The following SASS6 variants were observed in gnomAD, a reference collection of about 807,000 sequenced individuals.
SASS6 encodes the protein SAS-6 centriolar assembly protein.
SASS6 carries 59 observed loss-of-function variants against 94.9 expected under a neutral mutation model. That is an observed-to-expected ratio of 0.62 (90% confidence interval 0.50 to 0.77). SASS6 has a LOEUF of 0.77. Ranked by LOEUF, SASS6 falls within the 30% of genes least tolerant of loss-of-function variation. The pLI, the probability that SASS6 is intolerant of heterozygous loss-of-function variation, is 0.00. For synonymous variants in SASS6, 264 were observed against 270.0 expected, an observed-to-expected ratio of 0.98 and a Z score of 0.22; for missense variants, 698 against 734.1, an observed-to-expected ratio of 0.95 and a Z score of 0.57.
chr1:100,129,400 C>T (rs553705591), intron 1 of SASS6, among the ~76,000 whole-genome samples: 12 of 152,174 alleles, frequency 7.9e-5, no homozygotes, highest in African/African-American at 2.9e-4. Context: ...GGAAGGGTTA[C>T]CAACACTACT....
At chr1:100,110,837 T>C (rs1653267888) in intron 7 of SASS6, among the ~76,000 whole-genome samples, 1 of 151,952 alleles carries the variant, frequency 6.6e-6, no homozygotes, top group African/African-American at 2.4e-5. Context: ...ATGAACCTAC[T>C]TGTGTATTAA....
intron 5 of SASS6, 49 bp downstream of exon 5, chr1:100,121,329 A>T: frequency 9.3e-7 from 1 of 1,073,422 alleles, no homozygotes; most frequent in South Asian, 1.6e-5. Flanking sequence ...TTTATCAAAG[A>T]CCATTGATAC....
chr1:100,106,569 A>G (rs1389681805), intron 12 of SASS6, among the ~76,000 whole-genome samples: 1 of 152,204 alleles, frequency 6.6e-6, no homozygotes, highest in African/African-American at 2.4e-5. Flanking sequence ...ACTACAGCCG[A>G]GCACGATGGC....
intron 2 of SASS6, among the ~76,000 whole-genome samples, chr1:100,125,671 A>C (rs1654561244): frequency 1.1e-4 from 1 of 9,124 alleles, no homozygotes; most frequent in Non-Finnish European, 8.3e-4. Context: ...CTCCATCTCA[A>C]AAAAAAAAAA....
chr1:100,094,435 C>G (rs914380780), intron 14 of SASS6, among the ~76,000 whole-genome samples: 4 of 152,138 alleles, frequency 2.6e-5, no homozygotes, highest in African/African-American at 9.7e-5. Context: ...AGAGAAAAGA[C>G]AGTTTCCTGT....
In SASS6 at chr1:100,085,328, TTAAC is replaced by T. The variant is rs1320773725; in HGVS notation, c.1970_1973del (p.Ser657AsnfsTer13). On this transcript the variant is annotated frameshift_variant and stop_lost, in exon 17 of 17. Coordinates refer to ENST00000287482, the MANE Select transcript of SASS6 (RefSeq NM_194292.3). LOFTEE classifies it high-confidence loss of function. ...TAAAAAGTAAAACATGACACTAGAA[TTAAC>T]TGTTTGGTAACTGCCCAGGGAAATA... 6.3e-7 allele frequency: 1 copy of T among 1,589,988 alleles called. No individual in the cohort carries two copies. Among genetic ancestry groups the T allele is most frequent in the Admixed American group, 1.7e-5 (1 of 59,948 alleles).
intron 7 of SASS6, 123 bp downstream of exon 7, chr1:100,118,895 T>G: frequency 9.5e-6 from 5 of 525,850 alleles, no homozygotes; most frequent in Non-Finnish European, 1.5e-5. Flanking sequence ...AGGATTTTTA[T>G]TTTTATTTTA....
intron 14 of SASS6, among the ~76,000 whole-genome samples, chr1:100,095,314 G>A (rs150765685): frequency 6.6e-6 from 1 of 152,248 alleles, no homozygotes; most frequent in Non-Finnish European, 1.5e-5. Flanking sequence ...TGGATCACTT[G>A]AGCTCAGGAG....
rs1008962051 is a variant in SASS6 at position 100,107,994 on chromosome 1, C to A, written c.872G>T (p.Arg291Leu). ...CAAAGAGAGGACTTCTTGCTTAGTC[C>A]GCTGTAGCTCCTAGAATGGGAAAAG... Reference protein sequence around the residue: ...KLSGVEEELQRTKQEVLSLRR... With the variant: ...KLSGVEEELQLTKQEVLSLRR... The change falls in exon 9 of 17, where the codon CGG (arginine) becomes CTG (leucine). Residue 291 changes from arginine (R) to leucine (L), a missense_variant. Arg to Leu is a moderately radical substitution (Grantham distance 102, BLOSUM62 -2). Transcript: ENST00000287482. 1 of 1,597,482 alleles carries A rather than the reference C, an allele frequency of 6.3e-7. No individual in the cohort carries two copies. Among genetic ancestry groups the A allele is most frequent in the East Asian group, 2.2e-5 (1 of 44,474 alleles).
rs1257796146 is a variant in SASS6, at chr1:100,083,656, A to G, written c.*1672T>C. 1.3e-5 allele frequency: 2 copies of G among 152,106 alleles called. No individual in the cohort carries two copies. Among genetic ancestry groups the G allele is most frequent in the Non-Finnish European group, 2.9e-5 (2 of 67,946 alleles). 9.4% of individuals were successfully genotyped at this position (152,106 alleles called of 1,614,324 possible). A position where few individuals can be genotyped will look rare whatever the true frequency, so the allele number is the denominator to read the frequency against. ...ACACTTTTTGATTATTAACACATGT[A>G]CAATTTTACACTGCAAAACAATTGC... On this transcript the variant is annotated 3_prime_UTR_variant, in exon 17 of 17. Coordinates refer to ENST00000287482, the MANE Select transcript of SASS6 (RefSeq NM_194292.3).
chr1:100,128,112 C>T (rs1273388103), intron 1 of SASS6, among the ~76,000 whole-genome samples: 2 of 152,136 alleles, frequency 1.3e-5, no homozygotes, highest in Non-Finnish European at 2.9e-5. Flanking sequence ...TCTTGGCTCA[C>T]TGCAACCTCC....
At chr1:100,113,221 T>C (rs752154212) in intron 7 of SASS6, among the ~76,000 whole-genome samples, 2 of 152,158 alleles carry the variant, frequency 1.3e-5, no homozygotes, top group African/African-American at 4.8e-5. Context: ...AAGCCCAAAC[T>C]TCAGTATTAA....
intron 7 of SASS6, among the ~76,000 whole-genome samples, chr1:100,113,662 T>G (rs1570701350): frequency 6.2e-5 from 9 of 144,500 alleles, no homozygotes; most frequent in Non-Finnish European, 4.5e-5. Flanking sequence ...AAAGAAAAGG[T>G]AGTAAATAGA....
Position 100,121,464 on chromosome 1 carries a change from G to A in SASS6, c.397C>T (p.His133Tyr), listed in dbSNP as rs781002300. Residue 133 changes from histidine to tyrosine, a missense_variant, in exon 5 of 17, where the codon CAT becomes TAT. Transcript: ENST00000287482. ...AGTTTTAGTGAGAGGTGTGTAAGAT[G>A]CTTAAAAGGATTTGTCTCTACCACA... ...LNVVETNPFK[H>Y]LTHLSLKLLP... is the part of the protein sequence containing the mutation. 2 of 1,596,944 alleles carry A rather than the reference G, an allele frequency of 1.3e-6. No homozygotes were observed. Among genetic ancestry groups the A allele is most frequent in the South Asian group, 2.2e-5 (2 of 89,452 alleles).
At chr1:100,121,049 C>CAAAAA (rs781458509) in intron 5 of SASS6, among the ~76,000 whole-genome samples, 2 of 48,274 alleles carry the variant, frequency 4.1e-5, no homozygotes, top group Non-Finnish European at 8.5e-5. Context: ...GACTCCGTCT[C>CAAAAA]AAAAAAAAAA....
chr1:100,096,288 G>GA (rs1264116961), intron 14 of SASS6, among the ~76,000 whole-genome samples: 1 of 152,132 alleles, frequency 6.6e-6, no homozygotes, highest in African/African-American at 2.4e-5. Flanking sequence ...ATTCAACAGA[G>GA]AAAAAGACTT....
At chr1:100,119,492 T>C (rs557088090) in intron 6 of SASS6, among the ~76,000 whole-genome samples, 2 of 152,324 alleles carry the variant, frequency 1.3e-5, no homozygotes, top group South Asian at 2.1e-4. Flanking sequence ...GTGGGCCACA[T>C]TGTGCAGGGG....
intron 14 of SASS6, among the ~76,000 whole-genome samples, chr1:100,096,454 A>C (rs1308539981): frequency 2.0e-5 from 3 of 152,214 alleles, no homozygotes; most frequent in Non-Finnish European, 4.4e-5. Flanking sequence ...AACAAAGGAG[A>C]AAATGTTTTC....
intron 14 of SASS6, among the ~76,000 whole-genome samples, chr1:100,094,290 G>GA (rs1651962512): frequency 6.6e-6 from 1 of 151,904 alleles, no homozygotes; most frequent in Non-Finnish European, 1.5e-5. Flanking sequence ...TATAGGTATT[G>GA]AAAAAAATTA....
Sources: allele counts gnomAD v4.1 joint callset (sites outside exome capture counted in the v4.1 genomes callset), GRCh38; gene constraint gnomAD v4.1.1; transcripts MANE v1.5; gene names NCBI Gene and HGNC (gene_info 2026-07-23, HGNC 2026-07-21).